Variants in ADAT2 observed in about 807,000 individuals in gnomAD.
The protein encoded by ADAT2 is adenosine deaminase tRNA specific 2.
Under a neutral mutation model 25.9 loss-of-function variants are expected in ADAT2, and 26 were observed. The ratio of observed to expected loss-of-function variants is 1.00; its 90% CI spans 0.74 to 1.39. The LOEUF is 1.39. Ranked by LOEUF, ADAT2 falls within the 40% of genes most tolerant of loss-of-function variation. ADAT2 has a pLI of 0.00. For missense variants in ADAT2, 220 were observed against 244.8 expected (o/e 0.90, Z 0.68); for synonymous variants, 76 against 86.8 (o/e 0.88, Z 0.69).
intron 1 of ADAT2, among the ~76,000 whole-genome samples, chr6:143,439,078 A>G (rs1779379825): frequency 6.6e-6 from 1 of 152,174 alleles, no homozygotes; most frequent in South Asian, 2.1e-4. Flanking sequence ...CTTTATTACA[A>G]TCCTTTCCTC....
In ADAT2 at chr6:143,425,542, T is replaced by C. The variant is rs1380999498; in HGVS notation, c.*2921A>G. On this transcript the variant is annotated 3_prime_UTR_variant, in exon 6 of 6. Transcript: ENST00000237283. ...AAGAAAAAGCTGGATTCAAGACAAG[T>C]AAATGTAATGCTGGACCCTAGACTG... The C allele has an allele frequency of 6.8e-6, 1 of 148,014 alleles. No individual in the cohort carries two copies. Among genetic ancestry groups the C allele is most frequent in the Non-Finnish European group, 1.5e-5 (1 of 67,124 alleles). 9.2% of individuals were successfully genotyped at this position (148,014 alleles called of 1,614,324 possible). A position where few individuals can be genotyped will look rare whatever the true frequency, so the allele number is the denominator to read the frequency against.
Position 143,427,136 on chromosome 6 carries a change from A to AC in ADAT2, c.*1326_*1327insG, listed in dbSNP as rs1554277479. 4.6e-5 allele frequency: 3 copies of AC among 65,660 alleles called. No homozygotes were observed. The highest frequency in any genetic ancestry group is 1.5e-4 in the African/African-American group (3 of 19,486). The allele number at this position is 65,660 out of a possible 1,614,324, so 4.1% of individuals were successfully genotyped here. ...ACACACACACACACACACACACACA[A>AC]AACCAAGCAATTATAAGTCCTCTGA... On this transcript the variant is annotated 3_prime_UTR_variant, in exon 6 of 6. Coordinates refer to ENST00000237283, the MANE Select transcript of ADAT2 (RefSeq NM_182503.3).
chr6:143,428,122 G>C lies in ADAT2; in HGVS notation c.*341C>G, dbSNP rs1778994971. 1 of 248,978 alleles carries C rather than the reference G, an allele frequency of 4.0e-6. No homozygotes were observed. 15.4% of individuals were successfully genotyped at this position (248,978 alleles called of 1,614,324 possible). On this transcript the variant is annotated 3_prime_UTR_variant, in exon 6 of 6. Coordinates refer to ENST00000237283, the MANE Select transcript of ADAT2 (RefSeq NM_182503.3). The surrounding 1 kb of genome is among the most constrained non-coding windows in gnomAD (Gnocchi z 5.0). ...CAGTCCAAACACACTCCAGGTCCCT[G>C]GGTCTGGCCACACATTCTCTAAGAA...
chr6:143,438,795 A>G (rs1211063646), intron 1 of ADAT2, 101 bp from the exon 2 acceptor site: 5 of 949,166 alleles, frequency 5.3e-6, no homozygotes, highest in Non-Finnish European at 6.6e-6. Context: ...ATGTACAAAG[A>G]CTGAAACAAA....
chr6:143,431,039 C>T (rs766259797), intron 4 of ADAT2, among the ~76,000 whole-genome samples: 9 of 152,288 alleles, frequency 5.9e-5, no homozygotes, highest in Middle Eastern at 3.4e-3. Context: ...CCTGCTGCCT[C>T]CTAAGCCCAG....
intron 4 of ADAT2, among the ~76,000 whole-genome samples, chr6:143,430,571 T>G (rs9496626): frequency 1.3e-5 from 1 of 76,406 alleles, no homozygotes; most frequent in African/African-American, 4.9e-5. Flanking sequence ...TTCATAATAA[T>G]TTTTTTTTTT....
chr6:143,443,471 T>C (rs1170712804), intron 1 of ADAT2, among the ~76,000 whole-genome samples: 1 of 152,032 alleles, frequency 6.6e-6, no homozygotes, highest in Non-Finnish European at 1.5e-5. Context: ...TTCAAGGCTG[T>C]AGTGAGCTAT....
intron 4 of ADAT2, among the ~76,000 whole-genome samples, chr6:143,430,928 A>C (rs1779095825): frequency 6.6e-6 from 1 of 152,250 alleles, no homozygotes; most frequent in African/African-American, 2.4e-5. Flanking sequence ...CTTTGAAAAG[A>C]ATAGTTCTGT....
At chr6:143,435,174 A>G (rs1779233342) in intron 2 of ADAT2, among the ~76,000 whole-genome samples, 1 of 152,026 alleles carries the variant, frequency 6.6e-6, no homozygotes, top group Non-Finnish European at 1.5e-5. Flanking sequence ...AAAAAAAAAA[A>G]AAAGGTTTCC....
chr6:143,430,895 G>A (rs1197677047), intron 4 of ADAT2, among the ~76,000 whole-genome samples: 1 of 152,186 alleles, frequency 6.6e-6, no homozygotes, highest in African/African-American at 2.4e-5. Flanking sequence ...AACAGAGCAG[G>A]TGTTATAATT....
Position 143,434,071 on chromosome 6 carries a change from C to T in ADAT2, c.202-90G>A. On this transcript the variant is annotated intron_variant, in intron 2 of 5. Transcript: ENST00000237283. The surrounding 1 kb of genome is among the most constrained non-coding windows in gnomAD (Gnocchi z 4.5). The stretch of plus-strand genomic sequence containing the variant: ...ACAAAAACTAAGTACAAAATATGCG[C>T]CTATCCTTTCTGCCAATATTTTAAT... The T allele has an allele frequency of 6.7e-7, 1 of 1,485,162 alleles. No homozygotes were observed. The highest frequency in any genetic ancestry group is 9.2e-7 in the Non-Finnish European group (1 of 1,091,814). 92.0% of individuals were successfully genotyped at this position (1,485,162 alleles called of 1,614,324 possible).
rs181238804 is a variant in ADAT2 at position 143,433,850 on chromosome 6, T to C, written c.333A>G (p.Ala111=). 7.2e-5 allele frequency: 116 copies of C among 1,614,122 alleles called. No individual in the cohort carries two copies. The East Asian group carries it at 2.0e-3, about 28-fold the overall frequency. Residue 111 remains alanine, a synonymous_variant, in exon 3 of 6, where the codon GCA becomes GCG. Coordinates refer to ENST00000237283, the MANE Select transcript of ADAT2 (RefSeq NM_182503.3). ...YVTVEPCIMC[A]AALRLMKIPL... ...GGATACTCATCAGGCGGAGAGCAGC[T>C]GCACACATAATGCACGGCTCCACAG...
intron 1 of ADAT2, chr6:143,445,080 T>C: frequency 2.4e-6 from 1 of 418,520 alleles, no homozygotes; most frequent in Middle Eastern, 3.8e-4. Context: ...AATTACTCTC[T>C]TCTGAGTGAT....
intron 3 of ADAT2, 38 bp downstream of exon 3, chr6:143,433,793 A>C: frequency 1.3e-6 from 2 of 1,574,978 alleles, no homozygotes; most frequent in Non-Finnish European, 1.7e-6. Context: ...TGTTCACACG[A>C]ATGGTACGAT....
chr6:143,438,158 T>A (rs1189602997), intron 2 of ADAT2, among the ~76,000 whole-genome samples: 5 of 152,164 alleles, frequency 3.3e-5, no homozygotes, highest in African/African-American at 1.2e-4. Flanking sequence ...AAATATTATT[T>A]AAAGGTACTA....
At chr6:143,430,172 C>G (rs907437637) in intron 4 of ADAT2, among the ~76,000 whole-genome samples, 2 of 152,212 alleles carry the variant, frequency 1.3e-5, no homozygotes, top group African/African-American at 2.4e-5. Context: ...AGTCCCGTCA[C>G]AGCTGCCCCC....
At chr6:143,448,831 G>C (rs1373951294) in intron 1 of ADAT2, among the ~76,000 whole-genome samples, 1 of 151,806 alleles carries the variant, frequency 6.6e-6, no homozygotes, top group African/African-American at 2.4e-5. Context: ...AACACAGAGA[G>C]ACCCTGTCTA....
At chr6:143,441,296 C>T (rs977115134) in intron 1 of ADAT2, 5 of 152,182 alleles carry the variant, frequency 3.3e-5, no homozygotes, top group African/African-American at 1.2e-4. Context: ...ACTCTAGTAT[C>T]TAGACTATAT....
At position 143,425,258 on chromosome 6, in the gene ADAT2, T is replaced by TA. The variant is rs1487185775; in HGVS notation, c.*3204dup. ...AGACCGGTGCAGTGGCTCACGTCTA[T>TA]AATCCCAGTGCTTTGGGAGGCCAAG... On this transcript the variant is annotated 3_prime_UTR_variant, in exon 6 of 6. Transcript: ENST00000237283. 6.7e-6 allele frequency: 1 copy of TA among 150,158 alleles called. No individual in the cohort carries two copies. Among genetic ancestry groups the TA allele is most frequent in the Non-Finnish European group, 1.5e-5 (1 of 68,196 alleles). 9.3% of individuals were successfully genotyped at this position (150,158 alleles called of 1,614,324 possible).
Sources: allele counts gnomAD v4.1 joint callset (sites outside exome capture counted in the v4.1 genomes callset), GRCh38; gene constraint gnomAD v4.1.1; non-coding constraint Gnocchi (gnomAD v3.1); transcripts MANE v1.5; gene names NCBI Gene and HGNC (gene_info 2026-07-23, HGNC 2026-07-21).